Variants in RGS6 observed in about 807,000 individuals in gnomAD.
The protein encoded by RGS6 is regulator of G-protein signaling 6.
A neutral mutation model predicts 78.5 loss-of-function variants in RGS6; 30 were observed. The observed-to-expected ratio is 0.38, with a 90% CI of 0.29 to 0.52. The LOEUF (loss-of-function observed/expected upper bound fraction) is 0.52, where lower values mean the gene tolerates loss of function less well. Among genes scored for constraint, RGS6 ranks in the 20% least tolerant of loss-of-function variants. The pLI, the probability that RGS6 is intolerant of heterozygous loss-of-function variation, is 0.85. For synonymous variants in RGS6, 206 were observed against 206.0 expected (o/e 1.00, Z 0.00); for missense variants, 495 against 609.7 (o/e 0.81, Z 1.98).
At chr14:72,438,387 C>T (rs2095038593) in intron 3 of RGS6, among the ~76,000 whole-genome samples, 1 of 152,130 alleles carries the variant, frequency 6.6e-6, no homozygotes, top group Non-Finnish European at 1.5e-5. Context: ...CTATCTCCAG[C>T]CAGCTCTCTC....
intron 3 of RGS6, among the ~76,000 whole-genome samples, chr14:72,452,533 C>G (rs2095522600): frequency 6.6e-6 from 1 of 152,182 alleles, no homozygotes; most frequent in Admixed American, 6.5e-5. Flanking sequence ...TTCTGGCCAC[C>G]AGTCACATAT....
At chr14:72,047,555 GAAGT>G (rs1324568354) in intron 2 of RGS6, among the ~76,000 whole-genome samples, 1 of 152,214 alleles carries the variant, frequency 6.6e-6, no homozygotes, top group Non-Finnish European at 1.5e-5. Context: ...GGGCACAGGA[GAAGT>G]AAGTGATGAC....
At chr14:72,269,013 C>T (rs1441475641) in intron 2 of RGS6, among the ~76,000 whole-genome samples, 3 of 152,190 alleles carry the variant, frequency 2.0e-5, no homozygotes, top group South Asian at 4.1e-4. Context: ...ATCTTTCCAC[C>T]TGCTTCTGTC....
intron 2 of RGS6, among the ~76,000 whole-genome samples, chr14:72,090,766 C>T (rs2095242576): frequency 1.3e-5 from 2 of 152,046 alleles, no homozygotes; most frequent in Non-Finnish European, 2.9e-5. Context: ...TTGGAGAGTG[C>T]CCAGCCAGGG....
chr14:72,113,107 C>T (rs2095808519), intron 2 of RGS6, among the ~76,000 whole-genome samples: 1 of 151,866 alleles, frequency 6.6e-6, no homozygotes, highest in South Asian at 2.1e-4. Flanking sequence ...CACACATGCA[C>T]ACACACACCC....
intron 2 of RGS6, among the ~76,000 whole-genome samples, chr14:72,286,779 ACCCCTCCCCT>A (rs1368592263): frequency 6.6e-6 from 1 of 151,380 alleles, no homozygotes; most frequent in Non-Finnish European, 1.5e-5. Context: ...TGGAAATAGG[ACCCCTCCCCT>A]CCCCTCCCCT....
At chr14:72,245,619 C>T (rs1032666360) in intron 2 of RGS6, among the ~76,000 whole-genome samples, 2 of 152,218 alleles carry the variant, frequency 1.3e-5, no homozygotes, top group African/African-American at 4.8e-5. Context: ...CCACAACCTT[C>T]CAGCTTGGGC....
chr14:72,249,074 A>G (rs908357633), intron 2 of RGS6, among the ~76,000 whole-genome samples: 2 of 152,254 alleles, frequency 1.3e-5, no homozygotes, highest in African/African-American at 4.8e-5. Context: ...AAGGTAGATT[A>G]ACAAGGGAAA....
chr14:71,978,093 G>C (rs2094237625), intron 2 of RGS6, among the ~76,000 whole-genome samples: 1 of 148,638 alleles, frequency 6.7e-6, no homozygotes, highest in African/African-American at 2.4e-5. Flanking sequence ...GAATGCTTGT[G>C]ATTTTTGTAC....
At chr14:72,629,654 G>A in the RGS6 span, 17 of 1,535,972 alleles carry the variant, frequency 1.1e-5, no homozygotes, top group Admixed American at 2.0e-5. Flanking sequence ...AGAGGATACA[G>A]GATTTGCACT....
chr14:72,032,921 T>C (rs558140240), intron 2 of RGS6, among the ~76,000 whole-genome samples: 1 of 152,358 alleles, frequency 6.6e-6, no homozygotes, highest in African/African-American at 2.4e-5. Context: ...ATACATGGTG[T>C]GCACTTATCT....
chr14:72,167,743 C>T (rs114596884), intron 2 of RGS6, among the ~76,000 whole-genome samples: 81 of 152,260 alleles, frequency 5.3e-4, no homozygotes, highest in African/African-American at 1.9e-3. Context: ...AAATAAAAGG[C>T]CATTTGCATA....
intron 15 of RGS6, among the ~76,000 whole-genome samples, chr14:72,524,932 C>G (rs1006814453): frequency 2.0e-5 from 3 of 152,196 alleles, no homozygotes; most frequent in African/African-American, 7.2e-5. Context: ...CCTACTCGTC[C>G]CAGCCCCACT....
rs2283407 is a variant in RGS6 at position 72,236,683 on chromosome 14, C to G, written c.85-115412C>G. Among the ~76,000 whole-genome samples, 1,435 of 151,742 alleles carry G rather than the reference C, an allele frequency of 9.5e-3. 13 individuals carry two copies. The highest frequency in any genetic ancestry group is 0.026 in the South Asian group (124 of 4,826). On this transcript the variant is annotated intron_variant, in intron 2 of 17. Coordinates refer to ENST00000553525, the MANE Select transcript of RGS6 (RefSeq NM_001204424.2). ...CTCACATCCCAGACGGTGGAGGGGC[C>G]GGGCAGAGGCCCTCATCACTTCCCA... is the stretch of plus-strand genomic sequence containing the variant.
chr14:72,531,732 T>C (rs1342329995), intron 15 of RGS6, among the ~76,000 whole-genome samples: 3 of 152,228 alleles, frequency 2.0e-5, no homozygotes, highest in Non-Finnish European at 4.4e-5. Flanking sequence ...TTGATATATG[T>C]ATACATTGTG....
the RGS6 span, among the ~76,000 whole-genome samples, chr14:72,603,625 C>G: frequency 6.6e-6 from 1 of 152,206 alleles, no homozygotes; most frequent in Non-Finnish European, 1.5e-5. Context: ...CCTCAAAGAG[C>G]TAGTCTGATC....
At chr14:72,294,329 G>A (rs930303281) in intron 2 of RGS6, among the ~76,000 whole-genome samples, 2 of 152,220 alleles carry the variant, frequency 1.3e-5, no homozygotes, top group Non-Finnish European at 2.9e-5. Flanking sequence ...TACAGACTGG[G>A]AGTAGGTGGT....
At chr14:72,540,750 C>A in intron 17 of RGS6, 1 of 1,266,060 alleles carries the variant, frequency 7.9e-7, no homozygotes, top group South Asian at 1.3e-5. Context: ...GTCCTGGGTA[C>A]TCCCCGGGGG....
rs1261521995 is a variant in RGS6 at position 72,562,847 on chromosome 14, G to A, written c.*380G>A. 1.4e-5 allele frequency: 17 copies of A among 1,214,440 alleles called. No homozygotes were observed. Among genetic ancestry groups the A allele is most frequent in the African/African-American group, 4.5e-5 (3 of 66,708 alleles). 75.2% of individuals were successfully genotyped at this position (1,214,440 alleles called of 1,614,324 possible). ...CCTCACTCCCTCGCTGTCTGGAGAC[G>A]GTCACACCTTCTGGCAAATTCAAGA... On this transcript the variant is annotated 3_prime_UTR_variant, in exon 18 of 18. Coordinates refer to ENST00000553525, the MANE Select transcript of RGS6 (RefSeq NM_001204424.2).
Sources: allele counts gnomAD v4.1 joint callset (sites outside exome capture counted in the v4.1 genomes callset), GRCh38; gene constraint gnomAD v4.1.1; transcripts MANE v1.5; gene names NCBI Gene and HGNC (gene_info 2026-07-23, HGNC 2026-07-21).